SLC26A9: variants seen among roughly 807,000 people sequenced by gnomAD.
SLC26A9 encodes the protein solute carrier family 26 member 9.
In SLC26A9, 46 loss-of-function variants were observed where a neutral mutation model predicts 87.1. The ratio of observed to expected loss-of-function variants is 0.53; its 90% CI spans 0.42 to 0.67. SLC26A9 has a LOEUF of 0.67. Ranked by LOEUF, SLC26A9 falls within the 30% of genes least tolerant of loss-of-function variation. The pLI, the probability that SLC26A9 is intolerant of heterozygous loss-of-function variation, is 0.00. For synonymous variants in SLC26A9, 437 were observed against 409.1 expected (o/e 1.07, Z -0.82); for missense variants, 927 against 1,018.3 (o/e 0.91, Z 1.22).
At position 205,932,049 on chromosome 1, in the gene SLC26A9, C is replaced by T. The variant is rs1463533299; in HGVS notation, c.377-14G>A. 2 of 1,612,724 alleles carry T rather than the reference C, an allele frequency of 1.2e-6. No homozygotes were observed. Among genetic ancestry groups the T allele is most frequent in the Non-Finnish European group, 1.7e-6 (2 of 1,179,380 alleles). ...CGGCAAAGGTACCTGTGGTGCCCCA[C>T]CCAGCCAGCAAAAATCAGAGGTTTG... On this transcript the variant is annotated splice_polypyrimidine_tract_variant and intron_variant, in intron 4 of 20. Transcript: ENST00000367135.
chr1:205,918,840 C>T lies in SLC26A9; in HGVS notation c.2256G>A (p.Gly752=), dbSNP rs1212906831. 1.2e-6 allele frequency: 2 copies of T among 1,612,624 alleles called. No individual in the cohort carries two copies. Among genetic ancestry groups the T allele is most frequent in the Non-Finnish European group, 1.7e-6 (2 of 1,178,772 alleles). Residue 752 remains glycine, a splice_region_variant and synonymous_variant, in exon 19 of 21, where the codon GGG becomes GGA. Coordinates refer to ENST00000367135, the MANE Select transcript of SLC26A9 (RefSeq NM_052934.4). ...GATTCCCCAGGTGCAAGAACCTTAC[C>T]CCTTGGAAGTTGTGTCCTGGGGTCA... ...RDVTPGHNFQ[G]APGDAELSLY...
At chr1:205,929,174 C>T in intron 7 of SLC26A9, 30 bp downstream of exon 7, 2 of 1,597,810 alleles carry the variant, frequency 1.3e-6, no homozygotes, top group Non-Finnish European at 1.7e-6. Flanking sequence ...CCTGGCCCCC[C>T]AACATCCCAG....
At position 205,932,946 on chromosome 1, in the gene SLC26A9, T is replaced by C; in HGVS notation, c.264A>G (p.Gln88=). 1 of 1,613,994 alleles carries C rather than the reference T, an allele frequency of 6.2e-7. No individual in the cohort carries two copies. The highest frequency in any genetic ancestry group is 8.5e-7 in the Non-Finnish European group (1 of 1,179,938). Residue 88 remains glutamine, a splice_region_variant and synonymous_variant, in exon 3 of 21, where the codon CAA becomes CAG. Coordinates refer to ENST00000367135, the MANE Select transcript of SLC26A9 (RefSeq NM_052934.4). ...GCCTGGCTGAAGGAGCCCCTTCACCTTGTGGGACCTGGATGGATCCCCCGC... is the reference window on the plus strand; with the variant it reads ...GCCTGGCTGAAGGAGCCCCTTCACCCTGTGGGACCTGGATGGATCCCCCGC... ...GLSGGSIQVP[Q]GMAFALLANL... is the part of the protein sequence containing the mutation.
rs559167925 is a variant in SLC26A9, at chr1:205,940,655, A to G, written c.-19+2710T>C. On this transcript the variant is annotated intron_variant, in intron 1 of 20. Transcript: ENST00000367135. ...TGCCTTAACCCCTCCAAATTTTCCCAGGACTTGATGAGAGGAACAGCAGAA... is the reference window on the plus strand; with the variant it reads ...TGCCTTAACCCCTCCAAATTTTCCCGGGACTTGATGAGAGGAACAGCAGAA... 5.7e-4 allele frequency among the ~76,000 whole-genome samples: 87 copies of G among 152,160 alleles called. 1 individual carries two copies. In the South Asian group the frequency reaches 0.017, roughly 30 times the overall value.
chr1:205,936,504 C>T (rs776693289), intron 1 of SLC26A9, among the ~76,000 whole-genome samples: 1 of 152,146 alleles, frequency 6.6e-6, no homozygotes, highest in Non-Finnish European at 1.5e-5. Context: ...CTCCTCTCCT[C>T]CTCACTTTTT....
Position 205,915,155 on chromosome 1 carries a change from A to G in SLC26A9, c.*202T>C, listed in dbSNP as rs1222998369. 1.9e-6 allele frequency: 3 copies of G among 1,613,040 alleles called. No individual in the cohort carries two copies. The highest frequency in any genetic ancestry group is 1.7e-5 in the Admixed American group (1 of 59,968). ...ACCAGACTCTCACTCCTGTAAGGGT[A>G]GCACCCCCCTGCTGCTGAGAGGCTC... On this transcript the variant is annotated 3_prime_UTR_variant, in exon 21 of 21. Coordinates refer to ENST00000367135, the MANE Select transcript of SLC26A9 (RefSeq NM_052934.4).
intron 1 of SLC26A9, among the ~76,000 whole-genome samples, chr1:205,942,108 T>C (rs915725754): frequency 2.0e-5 from 3 of 152,204 alleles, no homozygotes; most frequent in African/African-American, 7.2e-5. Context: ...TAGTACGGTT[T>C]AAGAGGCACT....
Position 205,919,944 on chromosome 1 carries a change from T to A in SLC26A9, c.2110+232A>T, listed in dbSNP as rs367939372. 8.5e-5 allele frequency among the ~76,000 whole-genome samples: 13 copies of A among 152,282 alleles called. No homozygotes were observed. In the East Asian group the frequency reaches 1.5e-3, roughly 18 times the overall value. On this transcript the variant is annotated intron_variant, in intron 18 of 20. Coordinates refer to ENST00000367135, the MANE Select transcript of SLC26A9 (RefSeq NM_052934.4). ...GATTAGAATCCTAGCTGTCCTTCTG[T>A]AACTCCATGACCTCCTCACCCCCAC... is the stretch of plus-strand genomic sequence containing the variant.
intron 17 of SLC26A9, among the ~76,000 whole-genome samples, chr1:205,920,997 G>A (rs1473041805): frequency 2.0e-5 from 3 of 152,224 alleles, no homozygotes; most frequent in East Asian, 1.9e-4. Flanking sequence ...AAGGCAGTCC[G>A]AACACTCTCT....
At chr1:205,930,595 A>G (rs1457675332) in intron 5 of SLC26A9, among the ~76,000 whole-genome samples, 1 of 152,048 alleles carries the variant, frequency 6.6e-6, no homozygotes, top group Non-Finnish European at 1.5e-5. Context: ...ATCCTTATAA[A>G]CTGCCAATCA....
intron 1 of SLC26A9, among the ~76,000 whole-genome samples, chr1:205,940,098 A>C (rs1400470382): frequency 6.6e-6 from 1 of 152,114 alleles, no homozygotes; most frequent in African/African-American, 2.4e-5. Flanking sequence ...TAAGGGGAGT[A>C]GGGGGTGAGC....
chr1:205,914,627 C>A lies in SLC26A9; in HGVS notation c.*730G>T, dbSNP rs1227839579. The A allele has an allele frequency of 4.8e-6, 2 of 418,070 alleles. No individual in the cohort carries two copies. Among genetic ancestry groups the A allele is most frequent in the East Asian group, 7.6e-5 (2 of 26,422 alleles). The allele number at this position is 418,070 out of a possible 1,614,324, so 25.9% of individuals were successfully genotyped here. A position where few individuals can be genotyped will look rare whatever the true frequency, so the allele number is the denominator to read the frequency against. On this transcript the variant is annotated 3_prime_UTR_variant, in exon 21 of 21. Coordinates refer to ENST00000367135, the MANE Select transcript of SLC26A9 (RefSeq NM_052934.4). Reference sequence around the variant, plus strand: ...CTGAGGGCAGTGATGTTTCAGGAGGCTGAGGCAGAACCTTAGTGGGCTGTC... The same window carrying A: ...CTGAGGGCAGTGATGTTTCAGGAGGATGAGGCAGAACCTTAGTGGGCTGTC...
chr1:205,929,244 A>C lies in SLC26A9; in HGVS notation c.830T>G (p.Met277Arg). The change falls in exon 7 of 21, where the codon ATG becomes AGG. Residue 277 changes from methionine to arginine, a missense_variant. Transcript: ENST00000367135. Reference protein sequence around the residue: ...VLVKELNARYMHKIRFPIPTE... With the variant: ...VLVKELNARYRHKIRFPIPTE... ...AGGGATGGGGAAGCGAATCTTGTGC[A>C]TGTAGCGAGCATTGAGCTCCTTCAC... is the stretch of plus-strand genomic sequence containing the variant. 6.2e-7 allele frequency: 1 copy of C among 1,614,232 alleles called. No individual in the cohort carries two copies. Among genetic ancestry groups the C allele is most frequent in the Non-Finnish European group, 8.5e-7 (1 of 1,180,042 alleles).
In SLC26A9 at chr1:205,927,582, G is replaced by A. The variant is rs536820993; in HGVS notation, c.1125C>T (p.Ser375=). ...SNQEMIALGC[S]NFFGSFFKIH... is the part of the protein sequence containing the mutation. ...TTTTAAAGAAGGAGCCAAAGAAGTT[G>A]CTGCAGCCGAGAGCGATCATCTCCT... Residue 375 remains serine, a synonymous_variant, in exon 10 of 21, where the codon AGC becomes AGT. Coordinates refer to ENST00000367135, the MANE Select transcript of SLC26A9 (RefSeq NM_052934.4). The A allele has an allele frequency of 6.2e-6, 10 of 1,614,016 alleles. No homozygotes were observed. The highest frequency in any genetic ancestry group is 8.5e-6 in the Non-Finnish European group (10 of 1,179,998).
intron 5 of SLC26A9, among the ~76,000 whole-genome samples, chr1:205,931,465 G>GTTTTTTTTTTTTTT (rs34820138): frequency 0.019 from 1,790 of 95,742 alleles, 256 homozygotes; most frequent in Non-Finnish European, 0.025. Context: ...CCCTAACTTG[G>GTTTTTTTTTTTTTT]TTTTTTTTTT....
At chr1:205,937,064 G>T (rs571926565) in intron 1 of SLC26A9, among the ~76,000 whole-genome samples, 81 of 152,328 alleles carry the variant, frequency 5.3e-4, no homozygotes, top group African/African-American at 1.9e-3. Flanking sequence ...TAATGGATAA[G>T]AAGGGGTTGT....
Position 205,929,232 on chromosome 1 carries a change from C to T in SLC26A9, c.842G>A (p.Arg281His), listed in dbSNP as rs761061342. The T allele has an allele frequency of 1.6e-5, 26 of 1,613,986 alleles. No individual in the cohort carries two copies. Among genetic ancestry groups the T allele is most frequent in the Non-Finnish European group, 2.0e-5 (24 of 1,180,020 alleles). Residue 281 changes from arginine to histidine, a missense_variant, in exon 7 of 21, where the codon CGC becomes CAC. Coordinates refer to ENST00000367135, the MANE Select transcript of SLC26A9 (RefSeq NM_052934.4). ...AATCATCTCTGTAGGGATGGGGAAG[C>T]GAATCTTGTGCATGTAGCGAGCATT... ...ELNARYMHKIRFPIPTEMIVV... is the reference protein window; with the variant it reads ...ELNARYMHKIHFPIPTEMIVV...
intron 2 of SLC26A9, among the ~76,000 whole-genome samples, chr1:205,934,066 G>A (rs1659414562): frequency 6.6e-6 from 1 of 152,182 alleles, no homozygotes; most frequent in Non-Finnish European, 1.5e-5. Context: ...TTCCTGCCCA[G>A]CACCAATTCC....
Position 205,932,739 on chromosome 1 carries a change from G to T in SLC26A9, c.339C>A (p.Thr113=). 1 of 1,594,748 alleles carries T rather than the reference G, an allele frequency of 6.3e-7. No homozygotes were observed. Among genetic ancestry groups the T allele is most frequent in the Middle Eastern group, 1.7e-4 (1 of 5,936 alleles). The change falls in exon 4 of 21, where the codon ACC becomes ACA. Residue 113 remains threonine (T), a synonymous_variant. Transcript: ENST00000367135. ...GLYSSFFPLL[T]YFFLGGVHQM... is the part of the protein sequence containing the mutation. ...GGTGAACACCCCCCAGGAAGAAGTA[G>T]GTCAGGAGGGGGAAGAAGGAGGAGT... is the stretch of plus-strand genomic sequence containing the variant.
Sources: allele counts gnomAD v4.1 joint callset (sites outside exome capture counted in the v4.1 genomes callset), GRCh38; gene constraint gnomAD v4.1.1; transcripts MANE v1.5; gene names NCBI Gene and HGNC (gene_info 2026-07-23, HGNC 2026-07-21).